STYXL2: variants seen among roughly 807,000 people sequenced by gnomAD.
The protein encoded by STYXL2 is serine/threonine/tyrosine interacting like 2.
Under a neutral mutation model 52.4 loss-of-function variants are expected in STYXL2, and 44 were observed. The ratio of observed to expected loss-of-function variants is 0.84; its 90% CI spans 0.66 to 1.08. The LOEUF (loss-of-function observed/expected upper bound fraction) is 1.08, where lower values mean the gene tolerates loss of function less well. STYXL2 is among the 50% of genes least tolerant of loss of function. The pLI, the probability that STYXL2 is intolerant of heterozygous loss-of-function variation, is 0.00. For missense variants in STYXL2, 1,604 were observed against 1,471.7 expected, an observed-to-expected ratio of 1.09 and a Z score of -1.47; for synonymous variants, 604 against 586.9, an observed-to-expected ratio of 1.03 and a Z score of -0.42.
chr1:167,108,741 G>C (rs1362886461), intron 2 of STYXL2, among the ~76,000 whole-genome samples: 1 of 152,136 alleles, frequency 6.6e-6, no homozygotes, highest in Non-Finnish European at 1.5e-5. Context: ...TTTGCTCCAA[G>C]AACTACCACA....
chr1:167,102,052 T>C (rs1337471973), intron 2 of STYXL2, among the ~76,000 whole-genome samples: 1 of 151,772 alleles, frequency 6.6e-6, no homozygotes, highest in Non-Finnish European at 1.5e-5. Context: ...CAAAAAAGGG[T>C]ACATACTATA....
At position 167,116,110 on chromosome 1, in the gene STYXL2, C is replaced by T. The variant is rs1007028021; in HGVS notation, c.206-1218C>T. On this transcript the variant is annotated intron_variant, in intron 3 of 5. Transcript: ENST00000361200. ...TGGGGAACACAGAGGAAACATCTTTCCAGCTTCTTTTCTCTCTCTCTCTCT... is the reference window on the plus strand; with the variant it reads ...TGGGGAACACAGAGGAAACATCTTTTCAGCTTCTTTTCTCTCTCTCTCTCT... 2.6e-5 allele frequency among the ~76,000 whole-genome samples: 4 copies of T among 152,306 alleles called. No individual in the cohort carries two copies. The South Asian group carries it at 8.3e-4, about 32-fold the overall frequency.
At chr1:167,109,637 AG>A (rs1388252199) in intron 2 of STYXL2, among the ~76,000 whole-genome samples, 1 of 152,150 alleles carries the variant, frequency 6.6e-6, no homozygotes, top group African/African-American at 2.4e-5. Context: ...GGAAGCTCTA[AG>A]GCCTCACCCA....
At chr1:167,099,241 T>G (rs1338354557) in intron 2 of STYXL2, among the ~76,000 whole-genome samples, 1 of 152,176 alleles carries the variant, frequency 6.6e-6, no homozygotes, top group African/African-American at 2.4e-5. Flanking sequence ...TGTATATTTT[T>G]TAAAACTATC....
At chr1:167,103,937 C>T (rs553933407) in intron 2 of STYXL2, among the ~76,000 whole-genome samples, 1 of 152,168 alleles carries the variant, frequency 6.6e-6, no homozygotes, top group Admixed American at 6.5e-5. Context: ...CTGGCTAACA[C>T]GGTGAAACCC....
rs147427450 is a variant in STYXL2, at chr1:167,117,362, G to A, written c.240G>A (p.Glu80=). The A allele has an allele frequency of 4.6e-4, 737 of 1,611,804 alleles. No homozygotes were observed. Among genetic ancestry groups the A allele is most frequent in the Non-Finnish European group, 5.7e-4 (672 of 1,179,072 alleles). ...CACCGGGGGTCAGAGCAGACGCAGA[G>A]TGTCCAGGCATGCTGGAGTCTGCTG... is the stretch of plus-strand genomic sequence containing the variant. ...LKPPGVRADA[E]CPGMLESAEQ... The change falls in exon 4 of 6, where the codon GAG becomes GAA. Residue 80 remains glutamate, a synonymous_variant. Coordinates refer to ENST00000361200, the MANE Select transcript of STYXL2 (RefSeq NM_001080426.3).
chr1:167,097,388 C>A (rs1667309552), intron 2 of STYXL2, among the ~76,000 whole-genome samples: 1 of 152,176 alleles, frequency 6.6e-6, no homozygotes, highest in Admixed American at 6.5e-5. Context: ...GTGTTACTAA[C>A]CACACTCAAA....
chr1:167,117,602 G>A (rs767220703), intron 4 of STYXL2, 43 bp downstream of exon 4: 4 of 1,528,100 alleles, frequency 2.6e-6, no homozygotes, highest in Non-Finnish European at 2.7e-6. Flanking sequence ...CTAACCCTCT[G>A]GTTAGTGCCT....
chr1:167,109,110 G>A (rs928407139), intron 2 of STYXL2, among the ~76,000 whole-genome samples: 4 of 152,214 alleles, frequency 2.6e-5, no homozygotes, highest in African/African-American at 9.6e-5. Context: ...CAGGGAGAAG[G>A]AAACTTCCAG....
intron 2 of STYXL2, among the ~76,000 whole-genome samples, chr1:167,108,888 T>A (rs1667559979): frequency 6.6e-6 from 1 of 152,164 alleles, no homozygotes; most frequent in African/African-American, 2.4e-5. Context: ...CAAACACACA[T>A]CCTCACTGGG....
intron 2 of STYXL2, among the ~76,000 whole-genome samples, chr1:167,105,708 C>T (rs776375067): frequency 1.7e-4 from 26 of 152,174 alleles, no homozygotes; most frequent in Non-Finnish European, 3.5e-4. Flanking sequence ...CTTAATAAAC[C>T]GTGTCTGTGG....
At chr1:167,111,258 GAA>G (rs911524822) in intron 2 of STYXL2, among the ~76,000 whole-genome samples, 11 of 151,680 alleles carry the variant, frequency 7.3e-5, no homozygotes, top group African/African-American at 2.7e-4. Context: ...AACCACTATT[GAA>G]AACAGTAGGG....
intron 5 of STYXL2, 62 bp from the exon 6 acceptor site, chr1:167,125,725 A>G: frequency 1.3e-6 from 2 of 1,508,040 alleles, no homozygotes; most frequent in Non-Finnish European, 1.8e-6. Flanking sequence ...AAAACAAACA[A>G]ACAAGAACAC....
chr1:167,122,118 A>C lies in STYXL2; in HGVS notation c.655+2652A>C, dbSNP rs73031186. 8.3e-3 allele frequency among the ~76,000 whole-genome samples: 1,262 copies of C among 152,172 alleles called. 7 individuals carry two copies. Among genetic ancestry groups the C allele is most frequent in the African/African-American group, 0.028 (1,176 of 41,514 alleles). On this transcript the variant is annotated intron_variant, in intron 5 of 5. Transcript: ENST00000361200. ...ACACTGGGAAGTTGAGACCTATGGA[A>C]GATTAAGTGGTGACTTTGTATGGTG...
At position 167,097,324 on chromosome 1, in the gene STYXL2, G is replaced by A. The variant is rs571654608; in HGVS notation, c.110+2365G>A. Among the ~76,000 whole-genome samples, 6 of 152,260 alleles carry A rather than the reference G, an allele frequency of 3.9e-5. No homozygotes were observed. The East Asian group carries it at 7.7e-4, about 20-fold the overall frequency. ...AAGTTCCTGGTTTCTTTGAAAATAC[G>A]ACCCTTTCAAAAACTCAATAGGTTT... is the stretch of plus-strand genomic sequence containing the variant. On this transcript the variant is annotated intron_variant, in intron 2 of 5. Transcript: ENST00000361200.
intron 2 of STYXL2, among the ~76,000 whole-genome samples, chr1:167,096,688 T>C (rs1667291866): frequency 6.6e-6 from 1 of 152,186 alleles, no homozygotes; most frequent in South Asian, 2.1e-4. Flanking sequence ...AGCAAGGTCA[T>C]GCTTTCTTGC....
chr1:167,095,513 T>C (rs1667266939), intron 2 of STYXL2, among the ~76,000 whole-genome samples: 1 of 151,824 alleles, frequency 6.6e-6, no homozygotes, highest in Non-Finnish European at 1.5e-5. Flanking sequence ...TCCTGGAGAG[T>C]CCTCTTTTTA....
intron 5 of STYXL2, among the ~76,000 whole-genome samples, chr1:167,121,117 A>G (rs921106621): frequency 1.3e-5 from 2 of 150,500 alleles, no homozygotes; most frequent in Admixed American, 1.3e-4. Context: ...GGTTCAAGCG[A>G]TTCTTCTGCC....
At chr1:167,120,887 C>G (rs943395799) in intron 5 of STYXL2, among the ~76,000 whole-genome samples, 1,900 of 76,526 alleles carry the variant, frequency 0.025, 97 homozygotes, top group Middle Eastern at 0.068. Flanking sequence ...TATATATATA[C>G]AGAGAGAGAG....
Sources: gnomAD v4.1 joint callset for allele counts (sites outside exome capture counted in the v4.1 genomes callset) on GRCh38, gnomAD v4.1.1 for gene constraint, MANE v1.5 for transcripts, NCBI Gene and HGNC (gene_info 2026-07-23, HGNC 2026-07-21) for gene names.